Variants in SYT1 observed in about 807,000 individuals in gnomAD.
The protein encoded by SYT1 is synaptotagmin 1.
A neutral mutation model predicts 44.8 loss-of-function variants in SYT1; 8 were observed. The ratio of observed to expected loss-of-function variants is 0.18; its 90% CI spans 0.10 to 0.32. The LOEUF (loss-of-function observed/expected upper bound fraction) is 0.32, where lower values mean the gene tolerates loss of function less well. Among genes scored for constraint, SYT1 ranks in the 10% least tolerant of loss-of-function variants. The pLI is 1.00. For missense variants in SYT1, 286 were observed against 509.3 expected, an observed-to-expected ratio of 0.56 and a Z score of 4.22; for synonymous variants, 154 against 188.8, an observed-to-expected ratio of 0.82 and a Z score of 1.51.
intron 8 of SYT1, among the ~76,000 whole-genome samples, chr12:79,350,011 G>A (rs1882817896): frequency 6.6e-6 from 1 of 152,080 alleles, no homozygotes; most frequent in Non-Finnish European, 1.5e-5. Flanking sequence ...GAAGTTCAGT[G>A]AAAGACTTCA....
intron 3 of SYT1, among the ~76,000 whole-genome samples, chr12:79,102,584 C>A (rs1878503893): frequency 6.6e-6 from 1 of 152,188 alleles, no homozygotes; most frequent in Non-Finnish European, 1.5e-5. Context: ...AATGTGAGCA[C>A]CAGGACAGCA....
chr12:78,962,691 G>T (rs1406915996), intron 1 of SYT1, among the ~76,000 whole-genome samples: 1 of 151,894 alleles, frequency 6.6e-6, no homozygotes, highest in Non-Finnish European at 1.5e-5. Context: ...GTGGCTCATA[G>T]GTACAAGGAA....
intron 2 of SYT1, among the ~76,000 whole-genome samples, chr12:79,017,391 A>G (rs1338563115): frequency 1.3e-5 from 2 of 152,162 alleles, no homozygotes; most frequent in Non-Finnish European, 2.9e-5. Flanking sequence ...CCACAATGTA[A>G]TGGTAGAGTC....
chr12:79,160,789 G>A (rs896535367), intron 3 of SYT1, among the ~76,000 whole-genome samples: 2 of 152,034 alleles, frequency 1.3e-5, no homozygotes, highest in Admixed American at 1.3e-4. Flanking sequence ...TGGTGCTGTG[G>A]CATAAAAGAT....
chr12:79,178,982 ATATATC>A lies in SYT1; in HGVS notation c.-17-38515_-17-38510del, dbSNP rs1183031923. ...TATAGATATAGATATATAGATATAG[ATATATC>A]TATATAGATATAGATATAGATATAT... On this transcript the variant is annotated intron_variant, in intron 3 of 10. Coordinates refer to ENST00000261205, the MANE Select transcript of SYT1 (RefSeq NM_005639.3). Among the ~76,000 whole-genome samples, 192 of 112,112 alleles carry A rather than the reference ATATATC, an allele frequency of 1.7e-3. 6 individuals are homozygous for A. The highest frequency in any genetic ancestry group is 0.014 in the East Asian group (60 of 4,276). 73.5% of individuals were successfully genotyped at this position (112,112 alleles called of 152,430 possible).
intron 2 of SYT1, among the ~76,000 whole-genome samples, chr12:79,041,048 C>G (rs1873526642): frequency 6.6e-6 from 1 of 152,100 alleles, no homozygotes; most frequent in South Asian, 2.1e-4. Context: ...AGTTTGAAGT[C>G]AGGTAGTGTG....
At position 79,327,306 on chromosome 12, in the gene SYT1, A is replaced by T. The variant is rs894845778; in HGVS notation, c.811-26196A>T. ...GAGCTCTGCATATTGTTTAGTATCC[A>T]CAGCAATCCTACATGATATGAAAGC... On this transcript the variant is annotated intron_variant, in intron 8 of 10. Coordinates refer to ENST00000261205, the MANE Select transcript of SYT1 (RefSeq NM_005639.3). Among the ~76,000 whole-genome samples, 6 of 152,178 alleles carry T rather than the reference A, an allele frequency of 3.9e-5. 1 individual carries two copies. The highest frequency in any genetic ancestry group is 3.9e-4 in the Admixed American group (6 of 15,274).
intron 9 of SYT1, among the ~76,000 whole-genome samples, chr12:79,368,010 C>T (rs992971563): frequency 2.0e-5 from 3 of 150,630 alleles, no homozygotes; most frequent in African/African-American, 4.9e-5. Context: ...CCCATTAACC[C>T]GTCATTTAGC....
At chr12:79,195,927 C>T (rs1468863709) in intron 3 of SYT1, among the ~76,000 whole-genome samples, 1 of 152,178 alleles carries the variant, frequency 6.6e-6, no homozygotes, top group Admixed American at 6.5e-5. Flanking sequence ...TCTCCAGTGA[C>T]ACAAATAATT....
chr12:78,941,961 C>T (rs1166550241), intron 1 of SYT1, among the ~76,000 whole-genome samples: 4 of 152,200 alleles, frequency 2.6e-5, no homozygotes, highest in African/African-American at 9.7e-5. Context: ...TCTGCACACA[C>T]ATCCCAGCAC....
intron 3 of SYT1, among the ~76,000 whole-genome samples, chr12:79,168,571 C>G (rs1215648987): frequency 6.6e-6 from 1 of 151,900 alleles, no homozygotes; most frequent in African/African-American, 2.4e-5. Flanking sequence ...GATATAGTCA[C>G]TGGGAAGACA....
At chr12:79,348,866 G>A (rs1027514035) in intron 8 of SYT1, among the ~76,000 whole-genome samples, 1 of 140,784 alleles carries the variant, frequency 7.1e-6, no homozygotes, top group Non-Finnish European at 1.5e-5. Context: ...GGAAGTGGAA[G>A]GAAAGAAAGA....
At chr12:79,139,725 G>T (rs1869438168) in intron 3 of SYT1, among the ~76,000 whole-genome samples, 2 of 152,160 alleles carry the variant, frequency 1.3e-5, no homozygotes, top group Non-Finnish European at 2.9e-5. Flanking sequence ...ACTTGGTTTT[G>T]ATTTGTTCTC....
chr12:79,361,308 A>G lies in SYT1; in HGVS notation c.928+7689A>G, dbSNP rs564563554. 3.3e-5 allele frequency among the ~76,000 whole-genome samples: 5 copies of G among 152,302 alleles called. No individual in the cohort carries two copies. In the East Asian group the frequency reaches 7.7e-4, roughly 24 times the overall value. On this transcript the variant is annotated intron_variant, in intron 9 of 10. Transcript: ENST00000261205. ...ATGGAACTGAAGGACAGAGAGGTACATAACTTACCCAAGGTCACAGGATTA... is the reference window on the plus strand; with the variant it reads ...ATGGAACTGAAGGACAGAGAGGTACGTAACTTACCCAAGGTCACAGGATTA...
chr12:78,906,234 G>T (rs886097053), intron 1 of SYT1, among the ~76,000 whole-genome samples: 3 of 152,002 alleles, frequency 2.0e-5, no homozygotes, highest in African/African-American at 7.2e-5. Flanking sequence ...CAAATATTAA[G>T]TTCTGGTGAT....
At chr12:79,092,086 C>G (rs922296327) in intron 3 of SYT1, among the ~76,000 whole-genome samples, 1 of 151,886 alleles carries the variant, frequency 6.6e-6, no homozygotes, top group Non-Finnish European at 1.5e-5. Context: ...GTGAATACTT[C>G]TCTTCTCAAG....
chr12:78,987,489 T>A (rs1214495120), intron 2 of SYT1, among the ~76,000 whole-genome samples: 1 of 152,022 alleles, frequency 6.6e-6, no homozygotes, highest in African/African-American at 2.4e-5. Context: ...AAAGACTATT[T>A]TTTTACTCAG....
At chr12:79,252,902 A>G (rs1461310677) in intron 4 of SYT1, among the ~76,000 whole-genome samples, 1 of 152,194 alleles carries the variant, frequency 6.6e-6, no homozygotes, top group Non-Finnish European at 1.5e-5. Flanking sequence ...AGTAATTCTG[A>G]GCCTTCTCTG....
intron 1 of SYT1, among the ~76,000 whole-genome samples, chr12:78,867,087 G>A (rs1873585442): frequency 6.6e-6 from 1 of 150,550 alleles, no homozygotes; most frequent in Non-Finnish European, 1.5e-5. Flanking sequence ...TGTCTCTGTT[G>A]AAAGCTAACT....
Sources: gnomAD v4.1 joint callset for allele counts (sites outside exome capture counted in the v4.1 genomes callset) on GRCh38, gnomAD v4.1.1 for gene constraint, MANE v1.5 for transcripts, NCBI Gene and HGNC (gene_info 2026-07-23, HGNC 2026-07-21) for gene names.